NFIA: variants seen among roughly 807,000 people sequenced by gnomAD.
NFIA encodes the protein nuclear factor 1 A-type.
In NFIA, 8 loss-of-function variants were observed where a neutral mutation model predicts 62.8. The observed-to-expected ratio is 0.13, with a 90% CI of 0.07 to 0.23. The LOEUF (loss-of-function observed/expected upper bound fraction) is 0.23. Among genes scored for constraint, NFIA ranks in the 10% least tolerant of loss-of-function variants. The pLI is 1.00. For missense variants in NFIA, 410 were observed against 642.1 expected (o/e 0.64, Z 3.91); for synonymous variants, 235 against 238.1 (o/e 0.99, Z 0.12).
At chr1:61,290,412 A>T (rs1658804303) in intron 3 of NFIA, among the ~76,000 whole-genome samples, 1 of 152,186 alleles carries the variant, frequency 6.6e-6, no homozygotes, top group African/African-American at 2.4e-5. Context: ...TAGATTTCTG[A>T]ATTATTTAAA....
intron 2 of NFIA, among the ~76,000 whole-genome samples, chr1:61,210,126 G>A (rs1653153822): frequency 6.6e-6 from 1 of 152,116 alleles, no homozygotes; most frequent in Non-Finnish European, 1.5e-5. Flanking sequence ...CATAAAAACT[G>A]GGATGACAGA....
chr1:61,277,952 G>A (rs1203729081), intron 3 of NFIA, among the ~76,000 whole-genome samples: 3 of 151,648 alleles, frequency 2.0e-5, no homozygotes, highest in African/African-American at 7.3e-5. Flanking sequence ...CTTTAATGTG[G>A]CAAATGCCCC....
chr1:61,128,477 A>G (rs1351660945), intron 2 of NFIA, among the ~76,000 whole-genome samples: 1 of 152,116 alleles, frequency 6.6e-6, no homozygotes, highest in Non-Finnish European at 1.5e-5. Context: ...CCATGCTTGT[A>G]GTCCTAGCTA....
At chr1:61,288,421 T>A (rs143932071) in intron 3 of NFIA, among the ~76,000 whole-genome samples, 63 of 152,308 alleles carry the variant, frequency 4.1e-4, no homozygotes, top group African/African-American at 1.4e-3. Flanking sequence ...TAAAGAAATA[T>A]AGTGTAACCT....
chr1:61,224,099 T>C (rs895270975), intron 2 of NFIA, among the ~76,000 whole-genome samples: 1 of 152,074 alleles, frequency 6.6e-6, no homozygotes, highest in Admixed American at 6.6e-5. Context: ...AGTTAGACAC[T>C]GTGTTTAAAA....
At chr1:61,119,346 A>G (rs562793744) in intron 2 of NFIA, among the ~76,000 whole-genome samples, 27 of 152,292 alleles carry the variant, frequency 1.8e-4, no homozygotes, top group African/African-American at 5.8e-4. Flanking sequence ...CATATGAGGT[A>G]ATTCAGTTAC....
At chr1:61,294,128 T>G (rs990712318) in intron 3 of NFIA, among the ~76,000 whole-genome samples, 1 of 152,234 alleles carries the variant, frequency 6.6e-6, no homozygotes, top group African/African-American at 2.4e-5. Flanking sequence ...GATTTGCAGG[T>G]GTGTAAGCAC....
At chr1:61,144,662 C>A (rs980197859) in intron 2 of NFIA, among the ~76,000 whole-genome samples, 1 of 152,156 alleles carries the variant, frequency 6.6e-6, no homozygotes, top group Non-Finnish European at 1.5e-5. Flanking sequence ...AGTAATAGGA[C>A]CATACCTCCA....
chr1:61,446,472 G>C (rs572299953), intron 10 of NFIA, among the ~76,000 whole-genome samples: 1 of 152,276 alleles, frequency 6.6e-6, no homozygotes, highest in South Asian at 2.1e-4. Context: ...CTAACTTGAG[G>C]GGTGGGAGGA....
At chr1:61,205,113 C>T (rs760600132) in intron 2 of NFIA, among the ~76,000 whole-genome samples, 8 of 152,148 alleles carry the variant, frequency 5.3e-5, no homozygotes, top group Non-Finnish European at 1.2e-4. Context: ...CTATTATTAT[C>T]TATCTCCATT....
At chr1:61,319,270 A>T (rs1008101968) in intron 3 of NFIA, among the ~76,000 whole-genome samples, 2 of 152,180 alleles carry the variant, frequency 1.3e-5, no homozygotes, top group African/African-American at 4.8e-5. Context: ...TTCACTAAAA[A>T]ATTGGTAAAA....
intron 2 of NFIA, among the ~76,000 whole-genome samples, chr1:61,231,847 AAAAC>A (rs150649771): frequency 0.072 from 10,905 of 151,888 alleles, 486 homozygotes; most frequent in East Asian, 0.16. Flanking sequence ...CTCAGTGTAA[AAAAC>A]AAACAAACAA....
intron 10 of NFIA, among the ~76,000 whole-genome samples, chr1:61,453,125 T>C (rs895480657): frequency 6.6e-6 from 1 of 152,186 alleles, no homozygotes; most frequent in African/African-American, 2.4e-5. Flanking sequence ...GGGGTCTTGC[T>C]TGCTGTGTAG....
chr1:61,411,236 G>A (rs1256974824), intron 9 of NFIA, among the ~76,000 whole-genome samples: 1 of 152,046 alleles, frequency 6.6e-6, no homozygotes, highest in Non-Finnish European at 1.5e-5. Context: ...AGAAAAGCAG[G>A]GGGAAGGCAG....
upstream of NFIA, chr1:61,081,628 G>C: frequency 2.8e-6 from 1 of 351,770 alleles, no homozygotes; most frequent in Non-Finnish European, 5.2e-6. Flanking sequence ...TATGGCGTCT[G>C]TGTTCAAACC....
intron 2 of NFIA, among the ~76,000 whole-genome samples, chr1:61,149,571 G>A (rs1025994492): frequency 2.6e-5 from 4 of 152,140 alleles, no homozygotes; most frequent in African/African-American, 7.2e-5. Flanking sequence ...CAGAGCTATA[G>A]GGCAGTATTA....
At chr1:61,270,414 A>G (rs547241920) in intron 2 of NFIA, among the ~76,000 whole-genome samples, 6 of 149,596 alleles carry the variant, frequency 4.0e-5, no homozygotes, top group Middle Eastern at 3.2e-3. Flanking sequence ...GAAAATTAGT[A>G]CTTTAAGGTG....
At chr1:61,139,690 C>G (rs893636085) in intron 2 of NFIA, among the ~76,000 whole-genome samples, 1 of 152,000 alleles carries the variant, frequency 6.6e-6, no homozygotes, top group Non-Finnish European at 1.5e-5. Flanking sequence ...GTGATCTTGT[C>G]TTTCCTCCTG....
chr1:61,233,316 G>A (rs1211841331), intron 2 of NFIA, among the ~76,000 whole-genome samples: 1 of 152,194 alleles, frequency 6.6e-6, no homozygotes, highest in Non-Finnish European at 1.5e-5. Flanking sequence ...TGAACTAGAG[G>A]CCAAAGATCA....
Sources: gnomAD v4.1 joint callset for allele counts (sites outside exome capture counted in the v4.1 genomes callset) on GRCh38, gnomAD v4.1.1 for gene constraint, MANE v1.5 for transcripts, NCBI Gene and HGNC (gene_info 2026-07-23, HGNC 2026-07-21) for gene names.